LRRIQ1: variants seen among roughly 807,000 people sequenced by gnomAD.
LRRIQ1 encodes the protein leucine rich repeats and IQ motif containing 1, also known as leucine-rich repeat- and IQ domain-containing protein 1.
LRRIQ1 carries 210 observed loss-of-function variants against 211.9 expected under a neutral mutation model. That is an observed-to-expected ratio of 0.99 (90% CI 0.89 to 1.11). The LOEUF (loss-of-function observed/expected upper bound fraction) is 1.11, where lower values mean the gene tolerates loss of function less well. Among genes scored for constraint, LRRIQ1 ranks in the 50% most tolerant of loss-of-function variants. The pLI is 0.00. For missense variants in LRRIQ1, 2,136 were observed against 1,939.5 expected (o/e 1.10, Z -1.90); for synonymous variants, 699 against 650.1 (o/e 1.08, Z -1.14).
At chr12:85,211,257 C>T (rs943350714) in intron 24 of LRRIQ1, among the ~76,000 whole-genome samples, 10 of 152,112 alleles carry the variant, frequency 6.6e-5, no homozygotes, top group African/African-American at 1.4e-4. Context: ...AATTATAGAA[C>T]GAATCATTCT....
chr12:85,138,749 C>A (rs1235206159), intron 19 of LRRIQ1, among the ~76,000 whole-genome samples: 1 of 151,358 alleles, frequency 6.6e-6, no homozygotes, highest in South Asian at 2.1e-4. Flanking sequence ...CACTTAAAAT[C>A]TTTTATGCTA....
At chr12:85,158,924 C>G (rs1300718810) in intron 23 of LRRIQ1, among the ~76,000 whole-genome samples, 1 of 151,314 alleles carries the variant, frequency 6.6e-6, no homozygotes, top group Non-Finnish European at 1.5e-5. Context: ...GGTAAGAATA[C>G]TGCATTATTA....
At chr12:85,266,359 C>G (rs1327618426), downstream of LRRIQ1, among the ~76,000 whole-genome samples, 2 of 152,082 alleles carry the variant, frequency 1.3e-5, no homozygotes, top group Non-Finnish European at 2.9e-5. Flanking sequence ...TAAGAGCCAA[C>G]AGCAGTCGCG....
At chr12:85,168,490 G>A (rs1031934839) in intron 24 of LRRIQ1, among the ~76,000 whole-genome samples, 51 of 152,134 alleles carry the variant, frequency 3.4e-4, no homozygotes, top group African/African-American at 1.2e-3. Context: ...AATTATTGTT[G>A]TATCTCCTGG....
At chr12:85,081,823 A>G (rs1318305295) in intron 11 of LRRIQ1, among the ~76,000 whole-genome samples, 1 of 140,750 alleles carries the variant, frequency 7.1e-6, no homozygotes, top group Non-Finnish European at 1.5e-5. Flanking sequence ...TCCCAGTTTC[A>G]GGCTATTGTG....
chr12:85,098,313 A>G, intron 11 of LRRIQ1, 42 bp from the exon 12 acceptor site: 1 of 1,319,820 alleles, frequency 7.6e-7, no homozygotes, highest in Non-Finnish European at 1.1e-6. Context: ...AGAGTCTGGA[A>G]GACTGTATGA....
chr12:85,140,071 A>G (rs1205387885), intron 19 of LRRIQ1, among the ~76,000 whole-genome samples: 1 of 151,316 alleles, frequency 6.6e-6, no homozygotes, highest in African/African-American at 2.4e-5. Context: ...AATGCTTTTA[A>G]AATACACTTA....
intron 19 of LRRIQ1, among the ~76,000 whole-genome samples, chr12:85,150,133 A>G (rs1429832383): frequency 6.6e-6 from 1 of 151,782 alleles, no homozygotes; most frequent in Non-Finnish European, 1.5e-5. Context: ...GGCTGTTTGT[A>G]TAAAATCAGT....
intron 24 of LRRIQ1, among the ~76,000 whole-genome samples, chr12:85,212,781 T>G (rs1893896970): frequency 6.9e-6 from 1 of 145,222 alleles, no homozygotes; most frequent in African/African-American, 2.6e-5. Context: ...ATATTTTATA[T>G]ATATATAGAG....
At chr12:85,109,323 ACT>A (rs910116488) in intron 15 of LRRIQ1, among the ~76,000 whole-genome samples, 2 of 152,070 alleles carry the variant, frequency 1.3e-5, no homozygotes, top group Non-Finnish European at 2.9e-5. Context: ...TTTTACACTA[ACT>A]CAAACACCTA....
chr12:85,148,832 A>G (rs539958486), intron 19 of LRRIQ1, among the ~76,000 whole-genome samples: 2 of 151,918 alleles, frequency 1.3e-5, no homozygotes, highest in African/African-American at 4.8e-5. Flanking sequence ...ACATTTTAAT[A>G]ATTGTCATTC....
chr12:85,183,259 G>A (rs759246185), intron 24 of LRRIQ1, among the ~76,000 whole-genome samples: 3 of 152,092 alleles, frequency 2.0e-5, no homozygotes, highest in East Asian at 1.9e-4. Context: ...ACTTTGGAAC[G>A]TGAGTTATTT....
chr12:85,258,746 A>G (rs1203769253), intron 1 of LRRIQ1, among the ~76,000 whole-genome samples: 2 of 151,892 alleles, frequency 1.3e-5, no homozygotes, highest in Non-Finnish European at 2.9e-5. Flanking sequence ...TGCTTTATTT[A>G]TGCTGTATCT....
intron 17 of LRRIQ1, among the ~76,000 whole-genome samples, chr12:85,126,756 C>T (rs1382466921): frequency 6.6e-6 from 1 of 151,884 alleles, no homozygotes; most frequent in African/African-American, 2.4e-5. Context: ...GATAGTAATA[C>T]CGATAATAAG....
chr12:85,056,210 A>T lies in LRRIQ1; in HGVS notation c.1417A>T (p.Thr473Ser). The change falls in exon 8 of 27, where the codon ACA becomes TCA. Residue 473 changes from threonine (T) to serine (S), a missense_variant. Transcript: ENST00000393217. ...VKLKESISSQ[T>S]ILADFKMEEK... ...GTTAAAAGAATCTATATCAAGCCAA[A>T]CAATTCTGGCAGATTTTAAAATGGA... The T allele has an allele frequency of 6.4e-7, 1 of 1,572,198 alleles. No homozygotes were observed. Among genetic ancestry groups the T allele is most frequent in the South Asian group, 1.2e-5 (1 of 82,418 alleles).
rs1886798742 is a variant in LRRIQ1 at position 85,106,570 on chromosome 12, A to G, written c.3332A>G (p.Glu1111Gly). The change falls in exon 15 of 27, where the codon GAA becomes GGA. Residue 1111 changes from glutamate to glycine, a missense_variant. Physicochemically the swap from Glu to Gly is moderately conservative, Grantham distance 98. Transcript: ENST00000393217. ...KWFDACYSLH[E>G]LSLTGNPLLQ... The stretch of plus-strand genomic sequence containing the variant: ...TTTGATGCATGCTATTCTCTCCATG[A>G]ATTGTCTCTTACTGGAAACCCACTT... 6.2e-7 allele frequency: 1 copy of G among 1,612,822 alleles called. No homozygotes were observed. The highest frequency in any genetic ancestry group is 1.7e-5 in the Admixed American group (1 of 59,828).
intron 24 of LRRIQ1, among the ~76,000 whole-genome samples, chr12:85,223,067 G>GA (rs1894476464): frequency 6.6e-6 from 1 of 152,050 alleles, no homozygotes; most frequent in Admixed American, 6.6e-5. Flanking sequence ...AATCCAGGAG[G>GA]AAAAAACATA....
intron 11 of LRRIQ1, among the ~76,000 whole-genome samples, chr12:85,077,434 A>T (rs1883781623): frequency 6.6e-6 from 1 of 152,144 alleles, no homozygotes; most frequent in South Asian, 2.1e-4. Context: ...GCAAGTCTTT[A>T]TTTGTATTAT....
At chr12:85,148,889 T>C (rs1047034170) in intron 19 of LRRIQ1, among the ~76,000 whole-genome samples, 1 of 152,124 alleles carries the variant, frequency 6.6e-6, no homozygotes, top group African/African-American at 2.4e-5. Context: ...TTTGCATTTC[T>C]CTAATGATCG....
Sources: gnomAD v4.1 joint callset for allele counts (sites outside exome capture counted in the v4.1 genomes callset) on GRCh38, gnomAD v4.1.1 for gene constraint, MANE v1.5 for transcripts, NCBI Gene and HGNC (gene_info 2026-07-23, HGNC 2026-07-21) for gene names.